PDGFRL: variants seen among roughly 807,000 people sequenced by gnomAD.
The protein encoded by PDGFRL is platelet-derived growth factor receptor-like protein.
Under a neutral mutation model 37.2 loss-of-function variants are expected in PDGFRL, and 46 were observed. That is an observed-to-expected ratio of 1.24 (90% CI 0.98 to 1.58). The LOEUF (loss-of-function observed/expected upper bound fraction) is 1.58. PDGFRL is among the 40% of genes most tolerant of loss of function. PDGFRL has a pLI of 0.00. For missense variants in PDGFRL, 692 were observed against 467.6 expected (o/e 1.48, Z -4.43); for synonymous variants, 251 against 184.3 (o/e 1.36, Z -2.93).
intron 2 of PDGFRL, among the ~76,000 whole-genome samples, chr8:17,620,539 T>A (rs1804609024): frequency 6.6e-6 from 1 of 152,196 alleles, no homozygotes; most frequent in South Asian, 2.1e-4. Context: ...TATTTATACA[T>A]CATTATTAGC....
chr8:17,592,934 A>G (rs867627834), intron 2 of PDGFRL, among the ~76,000 whole-genome samples: 2,819 of 149,304 alleles, frequency 0.019, 44 homozygotes, highest in Non-Finnish European at 0.028. Context: ...ACACACACAC[A>G]CACACACACA....
chr8:17,636,356 C>A (rs970688675), intron 5 of PDGFRL, among the ~76,000 whole-genome samples: 9 of 152,156 alleles, frequency 5.9e-5, no homozygotes, highest in Non-Finnish European at 1.0e-4. Flanking sequence ...TATCCCAGCA[C>A]CATTTGGTGA....
intron 1 of PDGFRL, among the ~76,000 whole-genome samples, chr8:17,586,393 C>T (rs746863828): frequency 2.0e-5 from 3 of 152,130 alleles, no homozygotes; most frequent in Non-Finnish European, 4.4e-5. Flanking sequence ...CATGTCACAT[C>T]AAACAAAGAA....
At chr8:17,582,433 T>A (rs1162579444) in intron 1 of PDGFRL, among the ~76,000 whole-genome samples, 2 of 151,948 alleles carry the variant, frequency 1.3e-5, no homozygotes, top group Non-Finnish European at 1.5e-5. Flanking sequence ...ATACAAGAAG[T>A]TAGCCTGATG....
At position 17,589,657 on chromosome 8, in the gene PDGFRL, C is replaced by T. The variant is rs202104296; in HGVS notation, c.245C>T (p.Ala82Val). 4 of 1,613,136 alleles carry T rather than the reference C, an allele frequency of 2.5e-6. No homozygotes were observed. The highest frequency in any genetic ancestry group is 3.4e-6 in the Non-Finnish European group (4 of 1,179,236). Residue 82 changes from alanine to valine, a missense_variant, in exon 2 of 6, where the codon GCT becomes GTT. Ala to Val is a moderately conservative substitution (Grantham distance 64). Transcript: ENST00000251630. ...LDKGRFQKPA[A>V]TLSLLAGQTV... Reference sequence around the variant, plus strand: ...AAAGGTCGCTTCCAGAAACCCGCCGCTACCCTGAGTCTGCTGGCGGGGCAA... The same window carrying T: ...AAAGGTCGCTTCCAGAAACCCGCCGTTACCCTGAGTCTGCTGGCGGGGCAA...
At chr8:17,602,839 C>T (rs1360385390) in intron 2 of PDGFRL, among the ~76,000 whole-genome samples, 1 of 152,216 alleles carries the variant, frequency 6.6e-6, no homozygotes, top group Non-Finnish European at 1.5e-5. Context: ...AATGAAGAAA[C>T]ATTCCAAATG....
At chr8:17,635,562 C>T (rs1804955380) in intron 5 of PDGFRL, among the ~76,000 whole-genome samples, 1 of 152,132 alleles carries the variant, frequency 6.6e-6, no homozygotes. Context: ...TATTTTTGCA[C>T]TTGTGAATTG....
chr8:17,629,533 C>A (rs1392702447), intron 4 of PDGFRL, among the ~76,000 whole-genome samples: 2 of 152,166 alleles, frequency 1.3e-5, no homozygotes, highest in East Asian at 1.9e-4. Context: ...TCATTCTCTG[C>A]CCTTCTGTTG....
chr8:17,628,628 TC>T lies in PDGFRL; in HGVS notation c.650del (p.Pro217GlnfsTer11). ...CACAGGGAATTCCCAGCCAAGGAGA[TC>T]CCAGCCAATGGAACGGACATTGTTT... The part of the protein sequence containing the change: ...TLHREFPAKE[I>X]PANGTDIVYD... On this transcript the variant is annotated frameshift_variant, in exon 4 of 6. Transcript: ENST00000251630. LOFTEE classifies it high-confidence loss of function. 6.2e-7 allele frequency: 1 copy of T among 1,614,046 alleles called. No homozygotes were observed. The highest frequency in any genetic ancestry group is 1.7e-4 in the Middle Eastern group (1 of 6,058).
intron 3 of PDGFRL, among the ~76,000 whole-genome samples, chr8:17,622,497 T>C (rs1038429157): frequency 1.3e-5 from 2 of 152,218 alleles, no homozygotes; most frequent in Non-Finnish European, 2.9e-5. Context: ...TACAATCTTA[T>C]GTATTTGTCC....
intron 4 of PDGFRL, among the ~76,000 whole-genome samples, chr8:17,630,682 A>G (rs969305680): frequency 6.6e-6 from 1 of 152,116 alleles, no homozygotes; most frequent in Non-Finnish European, 1.5e-5. Context: ...AGGGGAAGTA[A>G]GTGAGAGAGG....
intron 2 of PDGFRL, among the ~76,000 whole-genome samples, chr8:17,618,890 A>C (rs1804579487): frequency 7.2e-6 from 1 of 138,390 alleles, no homozygotes; most frequent in African/African-American, 2.6e-5. Flanking sequence ...GTCAGGCAAA[A>C]GTGGGGAGAT....
At chr8:17,593,908 AAAG>A (rs1406861050) in intron 2 of PDGFRL, among the ~76,000 whole-genome samples, 2 of 152,030 alleles carry the variant, frequency 1.3e-5, no homozygotes, top group African/African-American at 4.8e-5. Context: ...AAAGAAAAAA[AAAG>A]AAAAAATAAT....
chr8:17,611,588 A>T (rs1179126981), intron 2 of PDGFRL, among the ~76,000 whole-genome samples: 1 of 152,094 alleles, frequency 6.6e-6, no homozygotes, highest in Non-Finnish European at 1.5e-5. Flanking sequence ...CAGAGGTGAA[A>T]ATGAGCCGAT....
At chr8:17,594,621 C>T (rs983072154) in intron 2 of PDGFRL, among the ~76,000 whole-genome samples, 1 of 151,840 alleles carries the variant, frequency 6.6e-6, no homozygotes, top group Admixed American at 6.6e-5. Context: ...GTGGTGCGAT[C>T]TCAGCTCACG....
intron 3 of PDGFRL, among the ~76,000 whole-genome samples, chr8:17,627,403 T>C (rs1301640539): frequency 2.0e-5 from 3 of 152,172 alleles, no homozygotes; most frequent in Non-Finnish European, 2.9e-5. Flanking sequence ...TCAGGGGACA[T>C]ATGTAATCTA....
chr8:17,608,429 C>T (rs1804331402), intron 2 of PDGFRL, among the ~76,000 whole-genome samples: 1 of 152,070 alleles, frequency 6.6e-6, no homozygotes, highest in African/African-American at 2.4e-5. Context: ...TTGAACGTGC[C>T]CTCATGCGTT....
chr8:17,625,259 C>G (rs1454482895), intron 3 of PDGFRL, among the ~76,000 whole-genome samples: 1 of 151,796 alleles, frequency 6.6e-6, no homozygotes, highest in African/African-American at 2.4e-5. Flanking sequence ...TCGAGCGATT[C>G]TCCTGCCTCA....
chr8:17,630,116 C>T (rs763326762), intron 4 of PDGFRL, among the ~76,000 whole-genome samples: 1 of 152,142 alleles, frequency 6.6e-6, no homozygotes. Context: ...GCCATGAATC[C>T]CCCATCTCTC....
Sources: allele counts gnomAD v4.1 joint callset (sites outside exome capture counted in the v4.1 genomes callset), GRCh38; gene constraint gnomAD v4.1.1; transcripts MANE v1.5; gene names NCBI Gene and HGNC (gene_info 2026-07-23, HGNC 2026-07-21).